The following BTNL3 variants were observed in gnomAD, a reference collection of about 807,000 sequenced individuals.
The protein encoded by BTNL3 is butyrophilin like 3.
In BTNL3, 20 loss-of-function variants were observed where a neutral mutation model predicts 40.1. That is an observed-to-expected ratio of 0.50 (90% CI 0.35 to 0.72). The LOEUF (loss-of-function observed/expected upper bound fraction) is 0.72, where lower values mean the gene tolerates loss of function less well. Ranked by LOEUF, BTNL3 falls within the 30% of genes least tolerant of loss-of-function variation. The pLI, the probability that BTNL3 is intolerant of heterozygous loss-of-function variation, is 0.01. For synonymous variants in BTNL3, 179 were observed against 222.1 expected, an observed-to-expected ratio of 0.81 and a Z score of 1.73; for missense variants, 449 against 582.2, an observed-to-expected ratio of 0.77 and a Z score of 2.35.
Position 181,005,764 on chromosome 5 carries a change from CCTG to C in BTNL3, c.1297_1299del (p.Leu433del), listed in dbSNP as rs1561961999. Reference sequence around the variant, plus strand: ...CAAATGACCAGTCCCTTATTTATACCCTGCTGACATGTCAGTTTGAAGGCTTGT... The same window carrying C: ...CAAATGACCAGTCCCTTATTTATACCCTGACATGTCAGTTTGAAGGCTTGT... On this transcript the variant is annotated inframe_deletion, in exon 8 of 8. Coordinates refer to ENST00000342868, the MANE Select transcript of BTNL3 (RefSeq NM_197975.3). 1 of 1,614,102 alleles carries C rather than the reference CCTG, an allele frequency of 6.2e-7. No homozygotes were observed.
rs1297594459 is a variant in BTNL3 at position 181,004,716 on chromosome 5, C to T, written c.836-20C>T. 8.1e-6 allele frequency: 13 copies of T among 1,614,100 alleles called. No individual in the cohort carries two copies. The highest frequency in any genetic ancestry group is 1.1e-5 in the Non-Finnish European group (13 of 1,180,054). The stretch of plus-strand genomic sequence containing the variant: ...TCCCACGTGAGCACGGAACTGCCTG[C>T]TCTCTCTGCTTGCTTTCAGAATTGA... On this transcript the variant is annotated intron_variant, in intron 6 of 7. Coordinates refer to ENST00000342868, the MANE Select transcript of BTNL3 (RefSeq NM_197975.3).
chr5:181,001,780 G>A (rs1319584435), intron 3 of BTNL3, among the ~76,000 whole-genome samples: 1 of 135,378 alleles, frequency 7.4e-6, no homozygotes, highest in African/African-American at 2.5e-5. Flanking sequence ...GGGAGGCAGA[G>A]GTTGCAGTGA....
At chr5:180,992,144 A>G (rs1309942061) in intron 1 of BTNL3, among the ~76,000 whole-genome samples, 1 of 136,950 alleles carries the variant, frequency 7.3e-6, no homozygotes, top group Non-Finnish European at 1.7e-5. Context: ...ATGTCACAAC[A>G]TCAGTGCACT....
At position 180,997,198 on chromosome 5, in the gene BTNL3, C is replaced by T. The variant is rs949028125; in HGVS notation, c.398-15C>T. 9 of 1,463,662 alleles carry T rather than the reference C, an allele frequency of 6.1e-6. 3 individuals carry two copies. Among genetic ancestry groups the T allele is most frequent in the South Asian group, 1.1e-5 (1 of 89,316 alleles). The allele number at this position is 1,463,662 out of a possible 1,614,324, so 90.7% of individuals were successfully genotyped here. A position where few individuals can be genotyped will look rare whatever the true frequency, so the allele number is the denominator to read the frequency against. ...ATTTGGTCTTTGCTTTCATCTTTCC[C>T]TGTTTTCTTCCCAGCACTGGGCTCA... On this transcript the variant is annotated splice_polypyrimidine_tract_variant and intron_variant, in intron 2 of 7. Transcript: ENST00000342868.
At chr5:181,003,774 C>A in intron 4 of BTNL3, 82 bp from the exon 5 acceptor site, 1 of 1,610,742 alleles carries the variant, frequency 6.2e-7, no homozygotes, top group Non-Finnish European at 8.5e-7. Flanking sequence ...TGCAGCTCGT[C>A]CCACCTGTGC....
Position 180,993,172 on chromosome 5 carries a change from A to G in BTNL3, c.397+12A>G. The G allele has an allele frequency of 7.0e-7, 1 of 1,421,486 alleles. No individual in the cohort carries two copies. Among genetic ancestry groups the G allele is most frequent in the South Asian group, 1.2e-5 (1 of 84,364 alleles). The allele number at this position is 1,421,486 out of a possible 1,614,324, so 88.1% of individuals were successfully genotyped here. A position where few individuals can be genotyped will look rare whatever the true frequency, so the allele number is the denominator to read the frequency against. Reference sequence around the variant, plus strand: ...GCTGCGGGTGGCAGGTCAGTTGTTTATTTATGACTGAGTTGTCTTGTAAAG... The same window carrying G: ...GCTGCGGGTGGCAGGTCAGTTGTTTGTTTATGACTGAGTTGTCTTGTAAAG... On this transcript the variant is annotated intron_variant, in intron 2 of 7. Transcript: ENST00000342868.
At chr5:181,001,650 C>T (rs1760111877) in intron 3 of BTNL3, among the ~76,000 whole-genome samples, 1 of 133,228 alleles carries the variant, frequency 7.5e-6, no homozygotes, top group African/African-American at 2.6e-5. Flanking sequence ...TCGAGACCAT[C>T]CTGGCTAACA....
rs1252981834 is a variant in BTNL3, at chr5:181,005,701, C to T, written c.1230C>T (p.Phe410=). ...PSTPPTRVGV[F]LDYEGGTISF... Reference sequence around the variant, plus strand: ...CCCCTCCTACACGAGTAGGGGTCTTCCTGGACTATGAGGGTGGGACCATCT... The same window carrying T: ...CCCCTCCTACACGAGTAGGGGTCTTTCTGGACTATGAGGGTGGGACCATCT... The change falls in exon 8 of 8, where the codon TTC becomes TTT. Residue 410 remains phenylalanine, a synonymous_variant. Coordinates refer to ENST00000342868, the MANE Select transcript of BTNL3 (RefSeq NM_197975.3). 2 of 1,614,132 alleles carry T rather than the reference C, an allele frequency of 1.2e-6. No homozygotes were observed. Among genetic ancestry groups the T allele is most frequent in the Middle Eastern group, 3.3e-4 (2 of 6,060 alleles).
In BTNL3 at chr5:180,995,033, C is replaced by T. The variant is rs187598808; in HGVS notation, c.397+1873C>T. ...TGATCTCCTGATCTCATGATCCACCCGCCTTGGCCTCCCAAAGTGCTGGGA... is the reference window on the plus strand; with the variant it reads ...TGATCTCCTGATCTCATGATCCACCTGCCTTGGCCTCCCAAAGTGCTGGGA... On this transcript the variant is annotated intron_variant, in intron 2 of 7. Coordinates refer to ENST00000342868, the MANE Select transcript of BTNL3 (RefSeq NM_197975.3). Among the ~76,000 whole-genome samples the T allele has an allele frequency of 1.7e-3, 233 of 136,312 alleles. 55 individuals are homozygous for T. The highest frequency in any genetic ancestry group is 3.1e-3 in the Non-Finnish European group (183 of 59,540). 89.4% of individuals were successfully genotyped at this position (136,312 alleles called of 152,430 possible).
Position 180,999,570 on chromosome 5 carries a change from C to T in BTNL3, c.673+2082C>T, listed in dbSNP as rs1288709685. On this transcript the variant is annotated intron_variant, in intron 3 of 7. Coordinates refer to ENST00000342868, the MANE Select transcript of BTNL3 (RefSeq NM_197975.3). ...GTCCCAGCAGTGTGGAAGGCTGAGG[C>T]GGGCAGATCGCTTGAGGTCAGGAGT... Among the ~76,000 whole-genome samples the T allele has an allele frequency of 5.1e-5, 7 of 136,824 alleles. 1 individual carries two copies. The highest frequency in any genetic ancestry group is 1.5e-4 in the Admixed American group (2 of 12,938). The allele number at this position is 136,824 out of a possible 152,430, so 89.8% of individuals were successfully genotyped here. A position where few individuals can be genotyped will look rare whatever the true frequency, so the allele number is the denominator to read the frequency against.
chr5:180,994,655 A>G (rs550189127), intron 2 of BTNL3, among the ~76,000 whole-genome samples: 1 of 135,864 alleles, frequency 7.4e-6, no homozygotes, highest in African/African-American at 2.5e-5. Flanking sequence ...TGGGACTATG[A>G]TGATATAAAT....
rs756647209 is a variant in BTNL3 at position 180,993,149 on chromosome 5, T to G, written c.386T>G (p.Leu129Arg). 1.2e-5 allele frequency: 17 copies of G among 1,438,438 alleles called. 5 individuals carry two copies. The East Asian group carries it at 3.8e-4, about 32-fold the overall frequency. 89.1% of individuals were successfully genotyped at this position (1,438,438 alleles called of 1,614,324 possible). ...TACGATGAGGAGGCCACCTGGGAGC[T>G]GCGGGTGGCAGGTCAGTTGTTTATT... is the stretch of plus-strand genomic sequence containing the variant. ...QIYDEEATWELRVAALGSLPL... is the reference protein window; with the variant it reads ...QIYDEEATWERRVAALGSLPL... The change falls in exon 2 of 8, where the codon CTG (leucine) becomes CGG (arginine). Residue 129 changes from leucine (L) to arginine (R), a missense_variant. This residue lies in a region of BTNL3 where 323 missense variants were observed against 464.9 expected (regional missense o/e 0.69). Coordinates refer to ENST00000342868, the MANE Select transcript of BTNL3 (RefSeq NM_197975.3).
chr5:181,006,007 G>A lies in BTNL3; in HGVS notation c.*135G>A, dbSNP rs2113091941. 1 of 1,006,840 alleles carries A rather than the reference G, an allele frequency of 9.9e-7. No homozygotes were observed. The highest frequency in any genetic ancestry group is 1.4e-6 in the Non-Finnish European group (1 of 707,246). The allele number at this position is 1,006,840 out of a possible 1,614,324, so 62.4% of individuals were successfully genotyped here. On this transcript the variant is annotated 3_prime_UTR_variant, in exon 8 of 8. Coordinates refer to ENST00000342868, the MANE Select transcript of BTNL3 (RefSeq NM_197975.3). ...GAGTCACGCCCCCCACTCTCCTTTA[G>A]GGAGCTGAGGTTCTTCTGCCCTGAG...
chr5:180,998,537 C>T (rs1760063146), intron 3 of BTNL3, among the ~76,000 whole-genome samples: 1 of 136,402 alleles, frequency 7.3e-6, no homozygotes. Flanking sequence ...TTAATTTTTA[C>T]CACACTTGGA....
rs942210776 is a variant in BTNL3 at position 180,993,691 on chromosome 5, C to A, written c.397+531C>A. On this transcript the variant is annotated intron_variant, in intron 2 of 7. Coordinates refer to ENST00000342868, the MANE Select transcript of BTNL3 (RefSeq NM_197975.3). Reference sequence around the variant, plus strand: ...TTCATTCAGAGCCCTTCAAACTCCACAATTTAAAAATAACATTGCCTTGAG... The same window carrying A: ...TTCATTCAGAGCCCTTCAAACTCCAAAATTTAAAAATAACATTGCCTTGAG... Among the ~76,000 whole-genome samples, 11 of 137,330 alleles carry A rather than the reference C, an allele frequency of 8.0e-5. 1 individual carries two copies. Among genetic ancestry groups the A allele is most frequent in the African/African-American group, 2.8e-4 (11 of 39,928 alleles). 90.1% of individuals were successfully genotyped at this position (137,330 alleles called of 152,430 possible).
chr5:180,992,452 A>G (rs1252557605), intron 1 of BTNL3, among the ~76,000 whole-genome samples: 1 of 136,876 alleles, frequency 7.3e-6, no homozygotes, highest in African/African-American at 2.5e-5. Flanking sequence ...CATTAAGCAG[A>G]TGGGCAGAGA....
In BTNL3 at chr5:180,993,019, G is replaced by C. The variant is rs755448527; in HGVS notation, c.256G>C (p.Glu86Gln). The change falls in exon 2 of 8, where the codon GAG becomes CAG. Residue 86 changes from glutamate (E) to glutamine (Q), a missense_variant. Glu to Gln is a conservative substitution (Grantham distance 29). This residue lies in a region of BTNL3 where 323 missense variants were observed against 464.9 expected (regional missense o/e 0.69). Transcript: ENST00000342868. The part of the protein sequence containing the change: ...KQMPQYRGRT[E>Q]FVKDSIAGGR... The stretch of plus-strand genomic sequence containing the variant: ...GATGCCACAGTATCGAGGGAGAACT[G>C]AGTTTGTGAAGGACTCCATTGCAGG... 2 of 1,459,992 alleles carry C rather than the reference G, an allele frequency of 1.4e-6. No individual in the cohort carries two copies. The highest frequency in any genetic ancestry group is 3.8e-5 in the Admixed American group (2 of 52,640). The allele number at this position is 1,459,992 out of a possible 1,614,324, so 90.4% of individuals were successfully genotyped here.
rs1158608538 is a variant in BTNL3, at chr5:180,997,155, A to C, written c.398-58A>C. Reference sequence around the variant, plus strand: ...GTACAGGCTTGATGAACCAGACTCAAAATGCTGTAAGCTTGAAATTTGGTC... The same window carrying C: ...GTACAGGCTTGATGAACCAGACTCACAATGCTGTAAGCTTGAAATTTGGTC... On this transcript the variant is annotated intron_variant, in intron 2 of 7. Coordinates refer to ENST00000342868, the MANE Select transcript of BTNL3 (RefSeq NM_197975.3). 6.9e-6 allele frequency: 10 copies of C among 1,459,544 alleles called. 2 individuals are homozygous for C. Among genetic ancestry groups the C allele is most frequent in the Non-Finnish European group, 9.5e-6 (10 of 1,057,702 alleles). The allele number at this position is 1,459,544 out of a possible 1,614,324, so 90.4% of individuals were successfully genotyped here.
chr5:181,003,354 AGAGT>A lies in BTNL3; in HGVS notation c.788-498_788-495del, dbSNP rs1406176576. Among the ~76,000 whole-genome samples, 3 of 136,220 alleles carry A rather than the reference AGAGT, an allele frequency of 2.2e-5. 1 individual carries two copies. The highest frequency in any genetic ancestry group is 7.6e-5 in the African/African-American group (3 of 39,608). The allele number at this position is 136,220 out of a possible 152,430, so 89.4% of individuals were successfully genotyped here. On this transcript the variant is annotated intron_variant, in intron 4 of 7. Transcript: ENST00000342868. ...ACCACTGCACATCAGCCTGGGCAAC[AGAGT>A]GAGACCCTGACTCAATAAATAAATA...
Sources: gnomAD v4.1 joint callset for allele counts (sites outside exome capture counted in the v4.1 genomes callset) on GRCh38, gnomAD v4.1.1 for gene constraint, gnomAD v4.1.1 regional missense constraint, MANE v1.5 for transcripts, NCBI Gene and HGNC (gene_info 2026-07-23, HGNC 2026-07-21) for gene names.